Variants in IQGAP1 observed in about 807,000 individuals in gnomAD.
IQGAP1 encodes IQ motif containing GTPase activating protein 1, also known as ras GTPase-activating-like protein IQGAP1.
A neutral mutation model predicts 215.6 loss-of-function variants in IQGAP1; 66 were observed. That is an observed-to-expected ratio of 0.31 (90% CI 0.25 to 0.38). The LOEUF is 0.38. Among genes scored for constraint, IQGAP1 ranks in the 10% least tolerant of loss-of-function variants. The probability of loss-of-function intolerance (pLI) is 1.00; values close to 1 mark genes in which losing one functional copy is unlikely to be tolerated. For synonymous variants in IQGAP1, 772 were observed against 728.7 expected, an observed-to-expected ratio of 1.06 and a Z score of -0.96; for missense variants, 1,712 against 1,997.1, an observed-to-expected ratio of 0.86 and a Z score of 2.72.
At chr15:90,415,023 T>C (rs1463659465) in intron 2 of IQGAP1, among the ~76,000 whole-genome samples, 1 of 152,224 alleles carries the variant, frequency 6.6e-6, no homozygotes, top group African/African-American at 2.4e-5. Context: ...TTGCTGTAGA[T>C]GGTATATGGT....
intron 2 of IQGAP1, among the ~76,000 whole-genome samples, chr15:90,423,247 C>T (rs1485162321): frequency 1.3e-5 from 2 of 152,058 alleles, no homozygotes; most frequent in Admixed American, 6.6e-5. Flanking sequence ...CTGATTTGTT[C>T]GTTTGTGACA....
chr15:90,488,024 C>T (rs1201368062), intron 33 of IQGAP1, among the ~76,000 whole-genome samples: 1 of 152,076 alleles, frequency 6.6e-6, no homozygotes, highest in East Asian at 1.9e-4. Context: ...AGATTGTGAC[C>T]ATCCTGGCTA....
intron 7 of IQGAP1, among the ~76,000 whole-genome samples, chr15:90,441,119 GAAAA>G (rs898776330): frequency 3.3e-4 from 48 of 147,378 alleles, no homozygotes; most frequent in African/African-American, 1.2e-3. Flanking sequence ...AAAAAAAAAA[GAAAA>G]AAAAAGAAAG....
intron 1 of IQGAP1, among the ~76,000 whole-genome samples, chr15:90,389,547 G>C (rs1473707773): frequency 6.6e-6 from 1 of 151,908 alleles, no homozygotes; most frequent in African/African-American, 2.4e-5. Context: ...GGTCAGGCTG[G>C]TCTCAAACTC....
intron 2 of IQGAP1, among the ~76,000 whole-genome samples, chr15:90,408,198 A>G (rs1378063063): frequency 1.3e-5 from 2 of 152,296 alleles, no homozygotes; most frequent in Non-Finnish European, 2.9e-5. Flanking sequence ...TTTACAAAGT[A>G]GGTGCTTGGG....
At position 90,453,140 on chromosome 15, in the gene IQGAP1, C is replaced by G; in HGVS notation, c.1335C>G (p.Leu445=). Residue 445 remains leucine (L), a synonymous_variant, in exon 13 of 38, where the codon CTC becomes CTG. Coordinates refer to ENST00000268182, the MANE Select transcript of IQGAP1 (RefSeq NM_003870.4). ...TLQRQSPEHN[L]THPELSVAVE... ...TGTCCCTTTCTGTACAGCATAATCT[C>G]ACCCACCCAGAGCTCTCTGTCGCAG... 1 of 1,610,950 alleles carries G rather than the reference C, an allele frequency of 6.2e-7. No homozygotes were observed. Among genetic ancestry groups the G allele is most frequent in the Non-Finnish European group, 8.5e-7 (1 of 1,178,674 alleles).
chr15:90,501,379 T>TAAAAAA lies in IQGAP1; in HGVS notation c.*1271_*1272insAAAAAA, dbSNP rs1966338891. On this transcript the variant is annotated 3_prime_UTR_variant, in exon 38 of 38. Transcript: ENST00000268182. ...AAAGCTTTTGTTCTTGGATAAAAAG[T>TAAAAAA]CATACACTTTAAAAAAAAAAAAAAC... 6.7e-6 allele frequency: 1 copy of TAAAAAA among 149,108 alleles called. No individual in the cohort carries two copies. Among genetic ancestry groups the TAAAAAA allele is most frequent in the African/African-American group, 2.5e-5 (1 of 39,288 alleles). 9.2% of individuals were successfully genotyped at this position (149,108 alleles called of 1,614,324 possible). A position where few individuals can be genotyped will look rare whatever the true frequency, so the allele number is the denominator to read the frequency against.
Position 90,494,846 on chromosome 15 carries a change from G to A in IQGAP1, c.4751+11G>A. The A allele has an allele frequency of 1.3e-6, 2 of 1,584,060 alleles. No homozygotes were observed. Among genetic ancestry groups the A allele is most frequent in the Non-Finnish European group, 1.7e-6 (2 of 1,166,984 alleles). ...CCTGCAAGTGAATCAGTGAGTCTTT[G>A]CTTTTTGTTTTATAAGTTGATTTTT... On this transcript the variant is annotated intron_variant, in intron 36 of 37. Transcript: ENST00000268182.
chr15:90,499,319 A>G (rs1301904726), intron 37 of IQGAP1, among the ~76,000 whole-genome samples: 1 of 152,232 alleles, frequency 6.6e-6, no homozygotes, highest in African/African-American at 2.4e-5. Flanking sequence ...TCTGAGTCTC[A>G]GTAGCTCATC....
At chr15:90,404,987 G>A (rs2151004652) in intron 2 of IQGAP1, among the ~76,000 whole-genome samples, 1 of 152,262 alleles carries the variant, frequency 6.6e-6, no homozygotes, top group East Asian at 1.9e-4. Flanking sequence ...GATTTTTAAA[G>A]AGTCTTATCT....
intron 2 of IQGAP1, among the ~76,000 whole-genome samples, chr15:90,401,397 G>A (rs1207914085): frequency 3.3e-5 from 5 of 152,124 alleles, no homozygotes; most frequent in African/African-American, 1.2e-4. Flanking sequence ...TTTTATTCTA[G>A]AAACCTCAGT....
At chr15:90,484,193 G>C (rs372456174) in intron 29 of IQGAP1, 27 bp from the exon 30 acceptor site, 9 of 1,603,652 alleles carry the variant, frequency 5.6e-6, no homozygotes, top group Admixed American at 3.5e-5. Context: ...TCCCTTTTTG[G>C]GGGGCTGCCT....
chr15:90,460,688 T>C (rs919054088), intron 15 of IQGAP1, among the ~76,000 whole-genome samples: 90 of 152,266 alleles, frequency 5.9e-4, no homozygotes, highest in African/African-American at 2.1e-3. Flanking sequence ...TGCAAGCCTT[T>C]GGTTAATTTC....
chr15:90,388,426 T>G, intron 1 of IQGAP1, 30 bp downstream of exon 1: 2 of 1,557,060 alleles, frequency 1.3e-6, no homozygotes, highest in South Asian at 1.2e-5. Flanking sequence ...GCGCGGGGGC[T>G]TCGGGCTGGG....
intron 30 of IQGAP1, among the ~76,000 whole-genome samples, chr15:90,485,029 A>G (rs1310957232): frequency 1.3e-5 from 2 of 152,062 alleles, no homozygotes; most frequent in Non-Finnish European, 2.9e-5. Flanking sequence ...TTATTTTTCT[A>G]ACATGATCTA....
rs1387358452 is a variant in IQGAP1, at chr15:90,454,359, C to T, written c.1488-69C>T. 4 of 1,582,862 alleles carry T rather than the reference C, an allele frequency of 2.5e-6. No individual in the cohort carries two copies. In the East Asian group the frequency reaches 6.8e-5, roughly 27 times the overall value. ...ATATCAAATGGTTGGGATACCCTAGCAATCTTTGTTCCTTGAATATTTAAA... is the reference window on the plus strand; with the variant it reads ...ATATCAAATGGTTGGGATACCCTAGTAATCTTTGTTCCTTGAATATTTAAA... On this transcript the variant is annotated intron_variant, in intron 13 of 37. Coordinates refer to ENST00000268182, the MANE Select transcript of IQGAP1 (RefSeq NM_003870.4).
intron 18 of IQGAP1, among the ~76,000 whole-genome samples, chr15:90,469,639 A>G (rs1249040377): frequency 6.6e-6 from 1 of 152,234 alleles, no homozygotes. Flanking sequence ...TGTAAGGCAG[A>G]GAGAAGTGGT....
At chr15:90,460,720 C>T (rs888528857) in intron 15 of IQGAP1, among the ~76,000 whole-genome samples, 12 of 152,126 alleles carry the variant, frequency 7.9e-5, no homozygotes, top group African/African-American at 2.4e-4. Flanking sequence ...AAAAACTGGC[C>T]GGGTGCAGTG....
intron 26 of IQGAP1, 142 bp downstream of exon 26, chr15:90,478,031 G>A (rs181397315): frequency 5.9e-4 from 381 of 648,104 alleles, no homozygotes; most frequent in African/African-American, 2.0e-3. Flanking sequence ...CACTCTTGTC[G>A]TCCAGGCTGG....
Sources: gnomAD v4.1 joint callset for allele counts (sites outside exome capture counted in the v4.1 genomes callset) on GRCh38, gnomAD v4.1.1 for gene constraint, MANE v1.5 for transcripts, NCBI Gene and HGNC (gene_info 2026-07-23, HGNC 2026-07-21) for gene names.